Variants in ZNF827 observed in about 807,000 individuals in gnomAD.
ZNF827 encodes zinc finger protein 827.
Under a neutral mutation model 102.4 loss-of-function variants are expected in ZNF827, and 13 were observed. The observed-to-expected ratio is 0.13, with a 90% confidence interval of 0.08 to 0.20. ZNF827 has a LOEUF of 0.20. ZNF827 is among the 10% of genes least tolerant of loss of function. The pLI, the probability that ZNF827 is intolerant of heterozygous loss-of-function variation, is 1.00. For synonymous variants in ZNF827, 523 were observed against 536.2 expected (o/e 0.98, Z 0.34); for missense variants, 1,103 against 1,344.4 (o/e 0.82, Z 2.81).
At chr4:145,934,434 A>G (rs1754016070) in intron 1 of ZNF827, among the ~76,000 whole-genome samples, 1 of 152,246 alleles carries the variant, frequency 6.6e-6, no homozygotes, top group South Asian at 2.1e-4. Context: ...GGCTTAGGTT[A>G]GTAGTGTCAG....
intron 8 of ZNF827, among the ~76,000 whole-genome samples, chr4:145,807,788 A>AAAAAAC (rs531076190): frequency 6.0e-5 from 9 of 149,516 alleles, no homozygotes; most frequent in African/African-American, 1.5e-4. Flanking sequence ...AAAAAAAAAC[A>AAAAAAC]AAAAACAAAA....
chr4:145,905,867 A>G (rs1751821502), intron 1 of ZNF827, among the ~76,000 whole-genome samples: 1 of 152,170 alleles, frequency 6.6e-6, no homozygotes, highest in African/African-American at 2.4e-5. Flanking sequence ...AATGAAGTAC[A>G]CTCATTAAGT....
chr4:145,918,832 G>A (rs1374009172), intron 1 of ZNF827, among the ~76,000 whole-genome samples: 1 of 152,180 alleles, frequency 6.6e-6, no homozygotes, highest in African/African-American at 2.4e-5. Flanking sequence ...GTTTTGTTTT[G>A]AAAGCCACTG....
In ZNF827 at chr4:145,917,700, CAAAAAAAAAAA is replaced by C. The variant is rs763617063; in HGVS notation, c.44-14496_44-14486del. ...AAGGCTCAACTCCAAGGTAGCTGGT[CAAAAAAAAAAA>C]AAAAAAAAAAAAAAAGAAAAGAAAA... On this transcript the variant is annotated intron_variant, in intron 1 of 14. Coordinates refer to ENST00000508784, the MANE Select transcript of ZNF827 (RefSeq NM_001306215.2). Among the ~76,000 whole-genome samples, 74 of 46,848 alleles carry C rather than the reference CAAAAAAAAAAA, an allele frequency of 1.6e-3. 1 individual carries two copies. Among genetic ancestry groups the C allele is most frequent in the Non-Finnish European group, 1.8e-3 (45 of 25,290 alleles). 30.7% of individuals were successfully genotyped at this position (46,848 alleles called of 152,430 possible). A position where few individuals can be genotyped will look rare whatever the true frequency, so the allele number is the denominator to read the frequency against.
At chr4:145,780,629 A>G (rs1371339942) in intron 8 of ZNF827, among the ~76,000 whole-genome samples, 1 of 152,250 alleles carries the variant, frequency 6.6e-6, no homozygotes, top group Non-Finnish European at 1.5e-5. Flanking sequence ...ACCAGATTAT[A>G]CAAACATTCC....
In ZNF827 at chr4:145,890,025, C is replaced by T. The variant is rs146548181; in HGVS notation, c.1266+2218G>A. Reference sequence around the variant, plus strand: ...ATCTGTCCGTCCATATTTGTAGTCTCTGGTGGATGTAGCAGAGGATATCTA... The same window carrying T: ...ATCTGTCCGTCCATATTTGTAGTCTTTGGTGGATGTAGCAGAGGATATCTA... On this transcript the variant is annotated intron_variant, in intron 3 of 14. Transcript: ENST00000508784. Among the ~76,000 whole-genome samples the T allele has an allele frequency of 2.3e-3, 351 of 151,812 alleles. 2 individuals carry two copies. Among genetic ancestry groups the T allele is most frequent in the African/African-American group, 8.2e-3 (338 of 41,420 alleles).
In ZNF827 at chr4:145,845,887, G is replaced by T. The variant is rs896947145; in HGVS notation, c.2279+69C>A. 5.9e-6 allele frequency: 9 copies of T among 1,528,064 alleles called. No homozygotes were observed. In the African/African-American group the frequency reaches 1.1e-4, roughly 19 times the overall value. 94.7% of individuals were successfully genotyped at this position (1,528,064 alleles called of 1,614,324 possible). A position where few individuals can be genotyped will look rare whatever the true frequency, so the allele number is the denominator to read the frequency against. ...GGGAGAAAGAGGTTTGGGGAGCAAC[G>T]TTCAACATGTAGTACGGGCTGGTGG... On this transcript the variant is annotated intron_variant, in intron 7 of 14. Transcript: ENST00000508784.
intron 4 of ZNF827, among the ~76,000 whole-genome samples, chr4:145,879,802 A>G (rs1349702744): frequency 6.6e-6 from 1 of 152,244 alleles, no homozygotes; most frequent in Non-Finnish European, 1.5e-5. Flanking sequence ...GAACATGCTG[A>G]AATCCTGGCT....
chr4:145,930,438 G>C (rs1286235529), intron 1 of ZNF827, among the ~76,000 whole-genome samples: 3 of 152,170 alleles, frequency 2.0e-5, no homozygotes, highest in Non-Finnish European at 4.4e-5. Flanking sequence ...GACCCATGTA[G>C]AAATGACCAA....
intron 8 of ZNF827, among the ~76,000 whole-genome samples, chr4:145,794,593 T>G (rs7675029): frequency 2.3e-4 from 35 of 150,432 alleles, no homozygotes; most frequent in East Asian, 1.8e-3. Flanking sequence ...AAGCTGAGGC[T>G]GGGCGGGGTG....
At chr4:145,915,579 T>C (rs1461550747) in intron 1 of ZNF827, among the ~76,000 whole-genome samples, 1 of 152,164 alleles carries the variant, frequency 6.6e-6, no homozygotes, top group African/African-American at 2.4e-5. Flanking sequence ...GCATTGAGGA[T>C]TGAGTTTCCA....
intron 4 of ZNF827, among the ~76,000 whole-genome samples, chr4:145,882,576 C>T (rs1749760159): frequency 6.6e-6 from 1 of 152,074 alleles, no homozygotes; most frequent in African/African-American, 2.4e-5. Flanking sequence ...ACTTTTAATC[C>T]CACTCGGTTC....
intron 7 of ZNF827, among the ~76,000 whole-genome samples, chr4:145,842,477 TTCCTCTTGGGCTGC>T (rs1219114890): frequency 6.6e-6 from 1 of 152,226 alleles, no homozygotes; most frequent in Non-Finnish European, 1.5e-5. Context: ...TACAGAGTGT[TTCCTCTTGGGCTGC>T]TACACTTTTC....
At chr4:145,779,312 G>C (rs550075540) in intron 9 of ZNF827, 62 bp downstream of exon 9, 2 of 1,558,332 alleles carry the variant, frequency 1.3e-6, no homozygotes, top group East Asian at 2.3e-5. Context: ...CTCAGTTTCC[G>C]GAGAGTAAAG....
Position 145,906,354 on chromosome 4 carries a change from G to A in ZNF827, c.44-3139C>T, listed in dbSNP as rs546163557. On this transcript the variant is annotated intron_variant, in intron 1 of 14. Transcript: ENST00000508784. Reference sequence around the variant, plus strand: ...GGACAGTATTCACTCTTTATCTTGAGATAAATCATTAAGAGGTGAACACTC... The same window carrying A: ...GGACAGTATTCACTCTTTATCTTGAAATAAATCATTAAGAGGTGAACACTC... 7.2e-5 allele frequency among the ~76,000 whole-genome samples: 11 copies of A among 152,312 alleles called. No homozygotes were observed. The South Asian group carries it at 1.7e-3, about 23-fold the overall frequency.
chr4:145,805,971 CCTTG>C (rs1741391100), intron 8 of ZNF827, among the ~76,000 whole-genome samples: 1 of 151,860 alleles, frequency 6.6e-6, no homozygotes, highest in Non-Finnish European at 1.5e-5. Context: ...CCCCTCTTTC[CCTTG>C]CTTATTTTTT....
chr4:145,925,011 T>G (rs1182535968), intron 1 of ZNF827, among the ~76,000 whole-genome samples: 1 of 152,200 alleles, frequency 6.6e-6, no homozygotes, highest in Non-Finnish European at 1.5e-5. Flanking sequence ...TCCAAATGGC[T>G]GGGGAGGCCT....
chr4:145,924,872 A>C (rs1307065888), intron 1 of ZNF827, among the ~76,000 whole-genome samples: 1 of 152,170 alleles, frequency 6.6e-6, no homozygotes, highest in Non-Finnish European at 1.5e-5. Flanking sequence ...AGTGTCTCTC[A>C]CATAAATGAA....
chr4:145,762,403 T>C lies in ZNF827; in HGVS notation c.*17+687A>G, dbSNP rs1392806190. Among the ~76,000 whole-genome samples the C allele has an allele frequency of 6.6e-6, 1 of 152,160 alleles. No individual in the cohort carries two copies. Among genetic ancestry groups the C allele is most frequent in the Non-Finnish European group, 1.5e-5 (1 of 68,014 alleles). On this transcript the variant is annotated intron_variant, in intron 14 of 14. Coordinates refer to ENST00000508784, the MANE Select transcript of ZNF827 (RefSeq NM_001306215.2). This position sits in a 1 kb window ranked among gnomAD's most constrained non-coding sequence, Gnocchi z 4.9. ...TATTAATACATGATTATGCCGGAGA[T>C]AGGATAATAATCCAACTGGATTGGA...
Sources: allele counts gnomAD v4.1 joint callset (sites outside exome capture counted in the v4.1 genomes callset), GRCh38; gene constraint gnomAD v4.1.1; non-coding constraint Gnocchi (gnomAD v3.1); transcripts MANE v1.5; gene names NCBI Gene and HGNC (gene_info 2026-07-23, HGNC 2026-07-21).